The following GRM4 variants were observed in gnomAD, a reference collection of about 807,000 sequenced individuals.
The protein encoded by GRM4 is glutamate metabotropic receptor 4.
GRM4 carries 28 observed loss-of-function variants against 81.7 expected under a neutral mutation model. The ratio of observed to expected loss-of-function variants is 0.34; its 90% CI spans 0.25 to 0.47. The LOEUF is 0.47. Ranked by LOEUF, GRM4 falls within the 20% of genes least tolerant of loss-of-function variation. The pLI, the probability that GRM4 is intolerant of heterozygous loss-of-function variation, is 1.00. For synonymous variants in GRM4, 488 were observed against 528.8 expected (o/e 0.92, Z 1.06); for missense variants, 948 against 1,290.0 (o/e 0.73, Z 4.06).
At chr6:34,129,430 T>C (rs971411837) in intron 2 of GRM4, among the ~76,000 whole-genome samples, 1 of 152,218 alleles carries the variant, frequency 6.6e-6, no homozygotes, top group Non-Finnish European at 1.5e-5. Flanking sequence ...CTCCACAACC[T>C]GGGCTGGGCC....
chr6:34,071,712 G>GCACA, intron 3 of GRM4, among the ~76,000 whole-genome samples: 1 of 90,888 alleles, frequency 1.1e-5, no homozygotes, highest in Non-Finnish European at 2.3e-5. Context: ...TACACACCAT[G>GCACA]CACACACATC....
intron 5 of GRM4, among the ~76,000 whole-genome samples, chr6:34,057,448 CAGG>C (rs777814505): frequency 7.9e-5 from 12 of 152,232 alleles, no homozygotes; most frequent in African/African-American, 1.2e-4. Flanking sequence ...TGGCATCGAG[CAGG>C]AGGTTTGGCC....
intron 2 of GRM4, among the ~76,000 whole-genome samples, chr6:34,097,741 C>T (rs981551749): frequency 6.6e-6 from 1 of 152,194 alleles, no homozygotes; most frequent in African/African-American, 2.4e-5. Flanking sequence ...AGTGCCCACC[C>T]GGAGCACAGT....
chr6:34,115,467 A>C lies in GRM4; in HGVS notation c.519+17511T>G, dbSNP rs1426007749. Among the ~76,000 whole-genome samples, 1 of 152,180 alleles carries C rather than the reference A, an allele frequency of 6.6e-6. No homozygotes were observed. The highest frequency in any genetic ancestry group is 1.5e-5 in the Non-Finnish European group (1 of 68,036). ...GGCAGGAGCGCACCCCCTGGGAAGCATAACCACCCCCAAGCCCAAATTGCT... is the reference window on the plus strand; with the variant it reads ...GGCAGGAGCGCACCCCCTGGGAAGCCTAACCACCCCCAAGCCCAAATTGCT... On this transcript the variant is annotated intron_variant, in intron 2 of 10. Coordinates refer to ENST00000538487, the MANE Select transcript of GRM4 (RefSeq NM_000841.4). The surrounding 1 kb of genome is among the most constrained non-coding windows in gnomAD (Gnocchi z 4.1).
chr6:34,100,126 C>T (rs1293514718), intron 2 of GRM4: 2 of 773,724 alleles, frequency 2.6e-6, no homozygotes, highest in Non-Finnish European at 3.1e-6. Context: ...CCCTGGCAGG[C>T]CGGCCTGTGC....
intron 2 of GRM4, among the ~76,000 whole-genome samples, chr6:34,125,687 T>A (rs1251537301): frequency 6.6e-6 from 1 of 152,232 alleles, no homozygotes; most frequent in East Asian, 1.9e-4. Flanking sequence ...CCCTCAGGGC[T>A]CCTGGGGCTG....
chr6:34,058,518 C>T (rs1198318727), intron 5 of GRM4, among the ~76,000 whole-genome samples: 1 of 152,188 alleles, frequency 6.6e-6, no homozygotes, highest in Non-Finnish European at 1.5e-5. Flanking sequence ...TCACACCTCA[C>T]TCTCTGTGAG....
chr6:34,154,851 G>C (rs1175584152), intron 1 of GRM4, among the ~76,000 whole-genome samples: 1 of 152,228 alleles, frequency 6.6e-6, no homozygotes, highest in East Asian at 1.9e-4. Flanking sequence ...AGAACGTGAG[G>C]AGCCTCGATT....
rs1452294339 is a variant in GRM4 at position 34,078,084 on chromosome 6, C to T, written c.736+13799G>A. 1.3e-5 allele frequency among the ~76,000 whole-genome samples: 2 copies of T among 152,166 alleles called. No homozygotes were observed. The highest frequency in any genetic ancestry group is 3.8e-4 in the East Asian group (2 of 5,198). ...CTGGAATAGGACAGATAAGCCTGCC[C>T]TCGTGGAGCTGACATCCATCTATGA... On this transcript the variant is annotated intron_variant, in intron 3 of 10. Transcript: ENST00000538487. This position sits in a 1 kb window ranked among gnomAD's most constrained non-coding sequence, Gnocchi z 4.8.
At chr6:34,124,205 C>T (rs533200754) in intron 2 of GRM4, among the ~76,000 whole-genome samples, 42 of 152,322 alleles carry the variant, frequency 2.8e-4, no homozygotes, top group African/African-American at 9.4e-4. Context: ...ATCTCAAGGT[C>T]CCCGCTCAGA....
chr6:34,086,928 C>T (rs1395972953), intron 3 of GRM4, among the ~76,000 whole-genome samples: 1 of 152,106 alleles, frequency 6.6e-6, no homozygotes, highest in Non-Finnish European at 1.5e-5. Flanking sequence ...TTGAGGCCAG[C>T]CCGGGCAACA....
chr6:34,045,761 A>G (rs1372034162), intron 6 of GRM4, among the ~76,000 whole-genome samples: 9 of 152,208 alleles, frequency 5.9e-5, no homozygotes, highest in Non-Finnish European at 1.0e-4. Context: ...AGGACCAGGC[A>G]GGGGCACCGC....
At chr6:34,031,678 C>A (rs891127953) in intron 9 of GRM4, among the ~76,000 whole-genome samples, 1 of 152,216 alleles carries the variant, frequency 6.6e-6, no homozygotes, top group Non-Finnish European at 1.5e-5. Context: ...GTGGAGAAAG[C>A]CCGCTCAGTG....
chr6:34,134,839 A>T (rs1382770471), intron 1 of GRM4, among the ~76,000 whole-genome samples: 2 of 152,170 alleles, frequency 1.3e-5, no homozygotes, highest in Non-Finnish European at 2.9e-5. Flanking sequence ...ATTTATCTGC[A>T]AGAGTAGAGA....
chr6:34,139,837 C>T (rs1770605729), intron 1 of GRM4, among the ~76,000 whole-genome samples: 1 of 152,178 alleles, frequency 6.6e-6, no homozygotes, highest in African/African-American at 2.4e-5. Flanking sequence ...AAGACAGTCC[C>T]CTCTGTCACA....
intron 2 of GRM4, chr6:34,110,968 G>T: frequency 1.4e-6 from 1 of 713,238 alleles, no homozygotes; most frequent in Non-Finnish European, 1.9e-6. Context: ...CCCACAGACT[G>T]CAAGGAGCCA....
chr6:34,067,785 G>T (rs369215186), intron 3 of GRM4, among the ~76,000 whole-genome samples: 2 of 151,958 alleles, frequency 1.3e-5, no homozygotes, highest in African/African-American at 4.8e-5. Context: ...AGGAGACAGT[G>T]CTCCGGGTCA....
chr6:34,117,483 C>G (rs1769645255), intron 2 of GRM4, among the ~76,000 whole-genome samples: 1 of 152,218 alleles, frequency 6.6e-6, no homozygotes, highest in Non-Finnish European at 1.5e-5. Context: ...TCCCTGCCAG[C>G]CTGGCTCCCT....
At chr6:34,149,504 C>T (rs1771004519), upstream of GRM4, among the ~76,000 whole-genome samples, 1 of 152,230 alleles carries the variant, frequency 6.6e-6, no homozygotes, top group Non-Finnish European at 1.5e-5. Context: ...CCCGCAGGCA[C>T]TGAGGAGGAG....
Sources: gnomAD v4.1 joint callset for allele counts (sites outside exome capture counted in the v4.1 genomes callset) on GRCh38, gnomAD v4.1.1 for gene constraint, Gnocchi (gnomAD v3.1) non-coding constraint, MANE v1.5 for transcripts, NCBI Gene and HGNC (gene_info 2026-07-23, HGNC 2026-07-21) for gene names.